The following KCNH1 variants were observed in gnomAD, a reference collection of about 807,000 sequenced individuals.
KCNH1 encodes the protein voltage-gated delayed rectifier potassium channel KCNH1.
In KCNH1, 27 loss-of-function variants were observed where a neutral mutation model predicts 69.2. The observed-to-expected ratio is 0.39, with a 90% CI of 0.29 to 0.54. KCNH1 has a LOEUF of 0.54. Among genes scored for constraint, KCNH1 ranks in the 20% least tolerant of loss-of-function variants. KCNH1 has a pLI of 0.68. For synonymous variants in KCNH1, 456 were observed against 487.7 expected, an observed-to-expected ratio of 0.93 and a Z score of 0.86; for missense variants, 798 against 1,261.6, an observed-to-expected ratio of 0.63 and a Z score of 5.57.
In KCNH1 at chr1:210,797,399, G is replaced by A. The variant is rs1574262118; in HGVS notation, c.1915+109C>T. On this transcript the variant is annotated intron_variant, in intron 9 of 10. Transcript: ENST00000271751. ...ATAGATAAGTGAATATTAGCAATTG[G>A]CCCTGCCCTATGAAGCAATCTCTAA... 3 of 1,215,000 alleles carry A rather than the reference G, an allele frequency of 2.5e-6. No homozygotes were observed. The East Asian group carries it at 7.0e-5, about 28-fold the overall frequency. The allele number at this position is 1,215,000 out of a possible 1,614,324, so 75.3% of individuals were successfully genotyped here.
intron 7 of KCNH1, among the ~76,000 whole-genome samples, chr1:210,843,102 C>T (rs1301446296): frequency 6.6e-6 from 1 of 152,182 alleles, no homozygotes; most frequent in African/African-American, 2.4e-5. Context: ...TCATCTAATA[C>T]GGATCCATTA....
chr1:210,955,891 T>C (rs1324688976), intron 6 of KCNH1, among the ~76,000 whole-genome samples: 1 of 152,214 alleles, frequency 6.6e-6, no homozygotes, highest in Non-Finnish European at 1.5e-5. Flanking sequence ...GAATACCCTT[T>C]ATTTCCTTCT....
chr1:211,052,328 A>G (rs1274611062), intron 5 of KCNH1, among the ~76,000 whole-genome samples: 1 of 152,246 alleles, frequency 6.6e-6, no homozygotes, highest in Non-Finnish European at 1.5e-5. Flanking sequence ...TGTACCATGA[A>G]GCGGTCGTCC....
At chr1:211,103,755 T>C (rs900767340) in intron 2 of KCNH1, among the ~76,000 whole-genome samples, 153 bp from the exon 3 acceptor site, 1 of 152,252 alleles carries the variant, frequency 6.6e-6, no homozygotes, top group African/African-American at 2.4e-5. Flanking sequence ...AAAAATTTAC[T>C]GATTCAACTG....
chr1:211,057,213 C>G (rs189559447), intron 5 of KCNH1, among the ~76,000 whole-genome samples: 3 of 152,242 alleles, frequency 2.0e-5, no homozygotes, highest in African/African-American at 7.2e-5. Context: ...ATTTCTGGAG[C>G]TGAAAAATGC....
At chr1:211,060,862 C>T (rs568974724) in intron 5 of KCNH1, among the ~76,000 whole-genome samples, 8 of 152,210 alleles carry the variant, frequency 5.3e-5, no homozygotes, top group Admixed American at 1.3e-4. Context: ...CATGGCTTCA[C>T]GCTTAATTTT....
chr1:210,726,846 A>G (rs1682608685), intron 10 of KCNH1, among the ~76,000 whole-genome samples: 1 of 152,112 alleles, frequency 6.6e-6, no homozygotes, highest in African/African-American at 2.4e-5. Context: ...TATTCATTTA[A>G]AAGTGCAGGT....
rs567294765 is a variant in KCNH1, at chr1:211,098,507, C to T, written c.310+4989G>A. Among the ~76,000 whole-genome samples, 45 of 152,180 alleles carry T rather than the reference C, an allele frequency of 3.0e-4. No individual in the cohort carries two copies. In the South Asian group the frequency reaches 8.9e-3, roughly 30 times the overall value. ...CCCAAACACTCATTCCAAACCATACCATGAAGCCTTCTGCTAATTACTCTC... is the reference window on the plus strand; with the variant it reads ...CCCAAACACTCATTCCAAACCATACTATGAAGCCTTCTGCTAATTACTCTC... On this transcript the variant is annotated intron_variant, in intron 3 of 10. Transcript: ENST00000271751.
chr1:210,761,349 A>C (rs1012067143), intron 10 of KCNH1, among the ~76,000 whole-genome samples: 1 of 151,670 alleles, frequency 6.6e-6, no homozygotes, highest in African/African-American at 2.4e-5. Flanking sequence ...AGTTGTTGGC[A>C]ACTAGCCAAC....
chr1:210,779,485 G>C (rs886953017), intron 9 of KCNH1, among the ~76,000 whole-genome samples: 6 of 152,158 alleles, frequency 3.9e-5, no homozygotes, highest in African/African-American at 1.4e-4. Flanking sequence ...GACTTCCCAG[G>C]TCAGGGTTGC....
chr1:210,849,666 G>T (rs888029310), intron 7 of KCNH1, among the ~76,000 whole-genome samples: 1 of 151,990 alleles, frequency 6.6e-6, no homozygotes, highest in Non-Finnish European at 1.5e-5. Flanking sequence ...GTGCCCAGCT[G>T]CCATGAGCCT....
chr1:210,733,401 T>C (rs1682792813), intron 10 of KCNH1, among the ~76,000 whole-genome samples: 1 of 152,146 alleles, frequency 6.6e-6, no homozygotes, highest in Non-Finnish European at 1.5e-5. Context: ...GCAGATGAAG[T>C]AGGAATTCTA....
Position 210,681,337 on chromosome 1 carries a change from T to G in KCNH1, c.*1944A>C, listed in dbSNP as rs1428498508. On this transcript the variant is annotated 3_prime_UTR_variant, in exon 11 of 11. Coordinates refer to ENST00000271751, the MANE Select transcript of KCNH1 (RefSeq NM_172362.3). ...GTGACTCGGCCTTAGGAAATTAGAC[T>G]TCCTCTTACTTGTATGCCGCCATCT... The G allele has an allele frequency of 6.6e-6, 1 of 152,206 alleles. No individual in the cohort carries two copies. The highest frequency in any genetic ancestry group is 2.4e-5 in the African/African-American group (1 of 41,446). The allele number at this position is 152,206 out of a possible 1,614,324, so 9.4% of individuals were successfully genotyped here. A position where few individuals can be genotyped will look rare whatever the true frequency, so the allele number is the denominator to read the frequency against.
chr1:210,682,306 T>G lies in KCNH1; in HGVS notation c.*975A>C, dbSNP rs980486503. ...CCCAATGAGAATCAAAGTATAAACA[T>G]AGCACTTGCTACAGTTCTGAGGTTG... is the stretch of plus-strand genomic sequence containing the variant. On this transcript the variant is annotated 3_prime_UTR_variant, in exon 11 of 11. Transcript: ENST00000271751. 1.3e-5 allele frequency: 2 copies of G among 152,206 alleles called. No individual in the cohort carries two copies. Among genetic ancestry groups the G allele is most frequent in the Non-Finnish European group, 2.9e-5 (2 of 68,060 alleles). 9.4% of individuals were successfully genotyped at this position (152,206 alleles called of 1,614,324 possible).
At chr1:210,924,239 T>C (rs1330359708) in intron 6 of KCNH1, among the ~76,000 whole-genome samples, 1 of 152,224 alleles carries the variant, frequency 6.6e-6, no homozygotes. Flanking sequence ...ACCTAGTTTG[T>C]AGTAACATGC....
chr1:211,018,897 A>G lies in KCNH1; in HGVS notation c.918T>C (p.Tyr306=), dbSNP rs1269950873. Residue 306 remains tyrosine, a synonymous_variant, in exon 6 of 11, where the codon TAT becomes TAC. Transcript: ENST00000271751. ...FVIDLLSCLP[Y]DVINAFENVD... ...CGTTCTCAAAAGCGTTGATGACATC[A>G]TATGGCAAACAGGACAGAAGGTCAA... is the stretch of plus-strand genomic sequence containing the variant. 6.2e-7 allele frequency: 1 copy of G among 1,614,086 alleles called. No individual in the cohort carries two copies. Among genetic ancestry groups the G allele is most frequent in the East Asian group, 2.2e-5 (1 of 44,872 alleles).
chr1:210,873,926 C>T (rs1399910402), intron 7 of KCNH1, among the ~76,000 whole-genome samples: 1 of 152,136 alleles, frequency 6.6e-6, no homozygotes, highest in Non-Finnish European at 1.5e-5. Context: ...GTTCTTAAAG[C>T]TTCTACATGA....
At chr1:210,840,771 A>T (rs9645355) in intron 7 of KCNH1, among the ~76,000 whole-genome samples, 2 of 152,062 alleles carry the variant, frequency 1.3e-5, no homozygotes, top group Admixed American at 1.3e-4. Context: ...GACTCAAAAA[A>T]GCCCCTCAAG....
At chr1:210,995,684 A>G (rs1286980438) in intron 6 of KCNH1, among the ~76,000 whole-genome samples, 1 of 152,208 alleles carries the variant, frequency 6.6e-6, no homozygotes, top group African/African-American at 2.4e-5. Context: ...TATTCAGACT[A>G]AGTGAGATAT....
Sources: allele counts gnomAD v4.1 joint callset (sites outside exome capture counted in the v4.1 genomes callset), GRCh38; gene constraint gnomAD v4.1.1; transcripts MANE v1.5; gene names NCBI Gene and HGNC (gene_info 2026-07-23, HGNC 2026-07-21).